Variants in CACNA2D4 observed in about 807,000 individuals in gnomAD.
CACNA2D4 encodes voltage-dependent calcium channel subunit alpha-2/delta-4.
Under a neutral mutation model 163.8 loss-of-function variants are expected in CACNA2D4, and 157 were observed. That is an observed-to-expected ratio of 0.96 (90% confidence interval 0.84 to 1.09). The LOEUF is 1.09. Ranked by LOEUF, CACNA2D4 falls within the 50% of genes least tolerant of loss-of-function variation. CACNA2D4 has a pLI of 0.00. For synonymous variants in CACNA2D4, 598 were observed against 586.9 expected, an observed-to-expected ratio of 1.02 and a Z score of -0.27; for missense variants, 1,410 against 1,479.9, an observed-to-expected ratio of 0.95 and a Z score of 0.78.
Position 1,833,006 on chromosome 12 carries a change from G to T in CACNA2D4, c.2551+7733C>A, listed in dbSNP as rs1864698215. On this transcript the variant is annotated intron_variant, in intron 26 of 37. Coordinates refer to ENST00000382722, the MANE Select transcript of CACNA2D4 (RefSeq NM_172364.5). The surrounding 1 kb of genome is among the most constrained non-coding windows in gnomAD (Gnocchi z 4.2). ...GAGGTTTGCTGCAGGCCACCGAGGT[G>T]TCAGCCGCACAGGGGAACTAGGCCG... Among the ~76,000 whole-genome samples the T allele has an allele frequency of 6.6e-6, 1 of 152,164 alleles. No individual in the cohort carries two copies. The highest frequency in any genetic ancestry group is 2.4e-5 in the African/African-American group (1 of 41,438).
At chr12:1,839,526 G>A (rs1026755147) in intron 26 of CACNA2D4, among the ~76,000 whole-genome samples, 11 of 152,226 alleles carry the variant, frequency 7.2e-5, no homozygotes, top group African/African-American at 2.4e-4. Context: ...GAGGCGGTCT[G>A]CGTTCAAATC....
At chr12:1,795,444 A>G in intron 36 of CACNA2D4, 63 bp from the exon 37 acceptor site, 2 of 1,481,488 alleles carry the variant, frequency 1.3e-6, no homozygotes, top group Non-Finnish European at 9.2e-7. Context: ...GACTGGAAAA[A>G]GGTCTGGAAG....
intron 37 of CACNA2D4, 84 bp downstream of exon 37, chr12:1,795,215 C>T (rs1272109529): frequency 3.1e-6 from 4 of 1,272,960 alleles, no homozygotes; most frequent in African/African-American, 2.9e-5. Context: ...TCCCTATATG[C>T]TCCTGTCTGC....
At chr12:1,891,215 G>A (rs1228822807) in intron 6 of CACNA2D4, among the ~76,000 whole-genome samples, 1 of 152,106 alleles carries the variant, frequency 6.6e-6, no homozygotes, top group Admixed American at 6.5e-5. Flanking sequence ...CCACAACTGG[G>A]GCCCAAGGAC....
At chr12:1,861,888 T>C (rs1865533126) in intron 18 of CACNA2D4, among the ~76,000 whole-genome samples, 1 of 152,236 alleles carries the variant, frequency 6.6e-6, no homozygotes, top group Admixed American at 6.5e-5. Flanking sequence ...CTACCCCTTC[T>C]GGTCCATCCC....
chr12:1,800,190 T>G (rs1287737462), intron 32 of CACNA2D4, 138 bp from the exon 33 acceptor site: 8 of 1,009,398 alleles, frequency 7.9e-6, no homozygotes, highest in Non-Finnish European at 1.2e-5. Context: ...AGGGCTCTGG[T>G]TGAGCAATGA....
intron 2 of CACNA2D4, among the ~76,000 whole-genome samples, chr12:1,914,181 G>A (rs1048644576): frequency 1.9e-4 from 29 of 152,196 alleles, no homozygotes; most frequent in Admixed American, 1.6e-3. Context: ...ATATGGAAAA[G>A]GTGCCTCATG....
At chr12:1,831,944 A>C (rs1261823455) in intron 26 of CACNA2D4, among the ~76,000 whole-genome samples, 3 of 152,218 alleles carry the variant, frequency 2.0e-5, no homozygotes, top group Non-Finnish European at 4.4e-5. Flanking sequence ...TCTTCTGAAG[A>C]ATACAGCCAT....
intron 13 of CACNA2D4, among the ~76,000 whole-genome samples, chr12:1,881,980 C>CTGAGTTCTGGCCAGTGAAAGG (rs1347244753): frequency 6.6e-6 from 1 of 152,236 alleles, no homozygotes; most frequent in Non-Finnish European, 1.5e-5. Flanking sequence ...AGCACAGGGA[C>CTGAGTTCTGGCCAGTGAAAGG]TGAGTTCTGG....
Position 1,802,663 on chromosome 12 carries a change from TC to T in CACNA2D4, c.2722-1020del, listed in dbSNP as rs548733736. Among the ~76,000 whole-genome samples the T allele has an allele frequency of 9.2e-5, 14 of 152,292 alleles. 1 individual carries two copies. The East Asian group carries it at 2.5e-3, about 27-fold the overall frequency. On this transcript the variant is annotated intron_variant, in intron 29 of 37. Coordinates refer to ENST00000382722, the MANE Select transcript of CACNA2D4 (RefSeq NM_172364.5). The surrounding 1 kb of genome is among the most constrained non-coding windows in gnomAD (Gnocchi z 4.7). ...GGATAGCGTGTGTCCGGCGTGTGGC[TC>T]CCAGTAAATACTTGAAAAATGGCAG...
At chr12:1,903,718 T>C (rs1304392745) in intron 6 of CACNA2D4, among the ~76,000 whole-genome samples, 2 of 151,742 alleles carry the variant, frequency 1.3e-5, no homozygotes, top group Non-Finnish European at 2.9e-5. Flanking sequence ...AACAGGCAAT[T>C]GCAAATGCTG....
chr12:1,824,228 C>T (rs905837711), intron 26 of CACNA2D4, among the ~76,000 whole-genome samples: 11 of 152,154 alleles, frequency 7.2e-5, no homozygotes, highest in African/African-American at 2.2e-4. Context: ...CCGGCCTAGT[C>T]GTATCAAACT....
intron 23 of CACNA2D4, among the ~76,000 whole-genome samples, chr12:1,853,010 T>C (rs765184540): frequency 1.3e-4 from 20 of 152,124 alleles, no homozygotes; most frequent in Non-Finnish European, 2.6e-4. Flanking sequence ...CACTAGATTG[T>C]TTTTCTTTCT....
chr12:1,803,859 C>T (rs1863422392), intron 29 of CACNA2D4, among the ~76,000 whole-genome samples: 1 of 152,224 alleles, frequency 6.6e-6, no homozygotes, highest in African/African-American at 2.4e-5. Flanking sequence ...TCAGACATGG[C>T]TGGCTGAAAA....
chr12:1,864,714 T>C (rs1000191642), intron 18 of CACNA2D4, among the ~76,000 whole-genome samples: 1 of 152,210 alleles, frequency 6.6e-6, no homozygotes, highest in Non-Finnish European at 1.5e-5. Context: ...TCCGAACTGG[T>C]TGCCTTCCAC....
At chr12:1,821,546 C>T (rs1458700277) in intron 26 of CACNA2D4, among the ~76,000 whole-genome samples, 1 of 152,046 alleles carries the variant, frequency 6.6e-6, no homozygotes, top group Non-Finnish European at 1.5e-5. Context: ...TGGGGTGTCC[C>T]GCAGCTGTGC....
At chr12:1,866,307 T>G (rs1865650174) in intron 18 of CACNA2D4, among the ~76,000 whole-genome samples, 1 of 152,230 alleles carries the variant, frequency 6.6e-6, no homozygotes, top group Non-Finnish European at 1.5e-5. Context: ...TAAATTAACT[T>G]TAAATTTTTG....
intron 26 of CACNA2D4, among the ~76,000 whole-genome samples, chr12:1,812,037 G>A (rs971613442): frequency 4.6e-5 from 7 of 152,180 alleles, no homozygotes; most frequent in African/African-American, 1.4e-4. Flanking sequence ...CTCAAGGCCG[G>A]TGGATGGGAC....
chr12:1,804,629 C>A (rs2154445520), intron 29 of CACNA2D4, among the ~76,000 whole-genome samples: 1 of 152,348 alleles, frequency 6.6e-6, no homozygotes, highest in South Asian at 2.1e-4. Flanking sequence ...ATGTGCTCAG[C>A]GAAAAGACTA....
Sources: allele counts gnomAD v4.1 joint callset (sites outside exome capture counted in the v4.1 genomes callset), GRCh38; gene constraint gnomAD v4.1.1; non-coding constraint Gnocchi (gnomAD v3.1); transcripts MANE v1.5; gene names NCBI Gene and HGNC (gene_info 2026-07-23, HGNC 2026-07-21).